The following RBFOX1 variants were observed in gnomAD, a reference collection of about 807,000 sequenced individuals.
The protein encoded by RBFOX1 is RNA binding fox-1 homolog 1.
RBFOX1 carries 8 observed loss-of-function variants against 57.7 expected under a neutral mutation model. The observed-to-expected ratio is 0.14, with a 90% CI of 0.08 to 0.25. The LOEUF (loss-of-function observed/expected upper bound fraction) is 0.25. Among genes scored for constraint, RBFOX1 ranks in the 10% least tolerant of loss-of-function variants. RBFOX1 has a pLI of 1.00. For missense variants in RBFOX1, 611 were observed against 548.5 expected, an observed-to-expected ratio of 1.11 and a Z score of -1.14; for synonymous variants, 326 against 222.4, an observed-to-expected ratio of 1.47 and a Z score of -4.15.
chr16:6,415,463 G>A (rs575625639), intron 2 of RBFOX1, among the ~76,000 whole-genome samples: 1 of 151,686 alleles, frequency 6.6e-6, no homozygotes, highest in South Asian at 2.1e-4. Flanking sequence ...AGAGATTTGG[G>A]AGGTCGAGGA....
intron 4 of RBFOX1, among the ~76,000 whole-genome samples, chr16:7,120,308 A>G (rs1365038250): frequency 6.6e-6 from 1 of 151,288 alleles, no homozygotes; most frequent in Admixed American, 6.6e-5. Context: ...AAACTAATAC[A>G]TGCAAAGAGA....
intron 4 of RBFOX1, among the ~76,000 whole-genome samples, chr16:5,896,885 CTTCTGCTTTT>C (rs1236686562): frequency 3.3e-5 from 5 of 152,236 alleles, no homozygotes; most frequent in South Asian, 4.1e-4. Context: ...TTCCCATTTT[CTTCTGCTTTT>C]GAGCAGCTGC....
At chr16:5,749,684 A>T in intron 3 of RBFOX1, among the ~76,000 whole-genome samples, 1 of 152,196 alleles carries the variant, frequency 6.6e-6, no homozygotes. Context: ...TGCATTCGTC[A>T]CGTAGTTCTT....
chr16:7,359,737 C>T (rs1404490890), intron 4 of RBFOX1, among the ~76,000 whole-genome samples: 2 of 152,160 alleles, frequency 1.3e-5, no homozygotes, highest in Non-Finnish European at 2.9e-5. Flanking sequence ...GTAATCCCAG[C>T]ACTTTGGGAG....
chr16:6,538,051 T>C (rs2096759738), intron 2 of RBFOX1, among the ~76,000 whole-genome samples: 1 of 151,728 alleles, frequency 6.6e-6, no homozygotes, highest in Admixed American at 6.6e-5. Flanking sequence ...TAATATAAAA[T>C]ACAGATACAT....
At chr16:7,358,398 G>A (rs2097257886) in intron 4 of RBFOX1, among the ~76,000 whole-genome samples, 1 of 151,984 alleles carries the variant, frequency 6.6e-6, no homozygotes, top group East Asian at 1.9e-4. Flanking sequence ...TAAGACTTAA[G>A]TATTTTTGTG....
intron 2 of RBFOX1, among the ~76,000 whole-genome samples, chr16:6,466,090 G>T (rs1432505496): frequency 6.6e-6 from 1 of 151,946 alleles, no homozygotes; most frequent in Non-Finnish European, 1.5e-5. Context: ...TTAGCCAGGT[G>T]TGGTGGTGGG....
chr16:7,130,758 C>T (rs926151682), intron 4 of RBFOX1, among the ~76,000 whole-genome samples: 1 of 152,110 alleles, frequency 6.6e-6, no homozygotes, highest in Non-Finnish European at 1.5e-5. Context: ...CCTTTAATAT[C>T]GTGCTTAAAT....
intron 14 of RBFOX1, among the ~76,000 whole-genome samples, chr16:7,699,432 T>C (rs2148026219): frequency 6.6e-6 from 1 of 152,268 alleles, no homozygotes; most frequent in South Asian, 2.1e-4. Context: ...CCTCAAGCCA[T>C]CCTGCCCCTT....
At chr16:7,147,813 A>C (rs966537224) in intron 4 of RBFOX1, among the ~76,000 whole-genome samples, 1 of 151,886 alleles carries the variant, frequency 6.6e-6, no homozygotes, top group Non-Finnish European at 1.5e-5. Context: ...AGAACGATTT[A>C]TTTTTCTTTG....
chr16:6,024,027 C>T lies in RBFOX1; in HGVS notation c.-127+4035C>T, dbSNP rs147861267. 2.0e-3 allele frequency among the ~76,000 whole-genome samples: 312 copies of T among 152,202 alleles called. 1 individual carries two copies. Among genetic ancestry groups the T allele is most frequent in the African/African-American group, 7.0e-3 (289 of 41,520 alleles). On this transcript the variant is annotated intron_variant, in intron 1 of 15. Transcript: ENST00000550418. ...GGCTAGGAGTTTTTATGAAAAATGA[C>T]GCGTGGAGTTATATACACAGGCAAC... is the stretch of plus-strand genomic sequence containing the variant.
chr16:6,929,431 C>G (rs993034012), intron 3 of RBFOX1, among the ~76,000 whole-genome samples: 2 of 152,146 alleles, frequency 1.3e-5, no homozygotes, highest in African/African-American at 4.8e-5. Flanking sequence ...AGGTAAACAG[C>G]AGTTCCCTGG....
At chr16:6,738,507 TA>T (rs1356345963) in intron 3 of RBFOX1, among the ~76,000 whole-genome samples, 11 of 152,104 alleles carry the variant, frequency 7.2e-5, no homozygotes, top group Non-Finnish European at 1.2e-4. Flanking sequence ...ATGTAGAACA[TA>T]AAAAAACAGA....
rs544290217 is a variant in RBFOX1, at chr16:5,583,000, C to T, written c.259-15902C>T. On this transcript the variant is annotated intron_variant, in intron 2 of 2. Transcript: ENST00000585867. Reference sequence around the variant, plus strand: ...ACAGACATTAACTCATTTAACTTCTCACTCTGTCCTCTTTTTAACAGATAA... The same window carrying T: ...ACAGACATTAACTCATTTAACTTCTTACTCTGTCCTCTTTTTAACAGATAA... 3.9e-5 allele frequency among the ~76,000 whole-genome samples: 6 copies of T among 152,314 alleles called. No individual in the cohort carries two copies. In the South Asian group the frequency reaches 1.2e-3, roughly 32 times the overall value.
intron 2 of RBFOX1, among the ~76,000 whole-genome samples, chr16:6,562,300 A>G (rs2097189207): frequency 6.6e-6 from 1 of 152,254 alleles, no homozygotes; most frequent in South Asian, 2.1e-4. Context: ...CACTAATTGT[A>G]CAGAACAGTC....
chr16:5,531,554 T>G (rs1181613030), intron 2 of RBFOX1, among the ~76,000 whole-genome samples: 1 of 152,198 alleles, frequency 6.6e-6, no homozygotes, highest in Non-Finnish European at 1.5e-5. Flanking sequence ...CTCTGCTACA[T>G]TCTAACCAAG....
At chr16:6,767,949 A>ATAATAATAATAATAAT (rs1491137745) in intron 3 of RBFOX1, among the ~76,000 whole-genome samples, 842 of 74,444 alleles carry the variant, frequency 0.011, 3 homozygotes, top group African/African-American at 0.024. Context: ...AATAATAATA[A>ATAATAATAATAATAAT]GAAGAAGAAG....
At chr16:6,503,554 C>G (rs955592497) in intron 2 of RBFOX1, among the ~76,000 whole-genome samples, 2 of 152,200 alleles carry the variant, frequency 1.3e-5, no homozygotes, top group African/African-American at 4.8e-5. Flanking sequence ...GACACACATA[C>G]TTGGTGATTT....
At chr16:7,692,745 A>T (rs1186107389) in intron 14 of RBFOX1, among the ~76,000 whole-genome samples, 1 of 152,172 alleles carries the variant, frequency 6.6e-6, no homozygotes, top group African/African-American at 2.4e-5. Flanking sequence ...TATTTTTAAT[A>T]CTGCATCATT....
Sources: gnomAD v4.1 joint callset for allele counts (sites outside exome capture counted in the v4.1 genomes callset) on GRCh38, gnomAD v4.1.1 for gene constraint, MANE v1.5 for transcripts, NCBI Gene and HGNC (gene_info 2026-07-23, HGNC 2026-07-21) for gene names.